MECOM: variants seen among roughly 807,000 people sequenced by gnomAD.
The protein encoded by MECOM is histone-lysine N-methyltransferase MECOM.
In MECOM, 13 loss-of-function variants were observed where a neutral mutation model predicts 116.3. That is an observed-to-expected ratio of 0.11 (90% CI 0.07 to 0.18). MECOM has a LOEUF of 0.18. Among genes scored for constraint, MECOM ranks in the 10% least tolerant of loss-of-function variants. MECOM has a pLI of 1.00. For missense variants in MECOM, 1,299 were observed against 1,509.0 expected (o/e 0.86, Z 2.31); for synonymous variants, 528 against 535.2 (o/e 0.99, Z 0.19).
At chr3:169,145,130 A>G (rs1189790616) in intron 2 of MECOM, 3 of 898,964 alleles carry the variant, frequency 3.3e-6, no homozygotes, top group Non-Finnish European at 5.1e-6. Context: ...AACATAAGAT[A>G]GGGATATTAT....
At chr3:169,352,268 A>C (rs556045543) in intron 2 of MECOM, among the ~76,000 whole-genome samples, 3 of 152,064 alleles carry the variant, frequency 2.0e-5, no homozygotes, top group African/African-American at 7.2e-5. Flanking sequence ...ATTTAAAGAA[A>C]TATATTAATG....
chr3:169,655,617 T>C (rs1483295173), intron 1 of MECOM, among the ~76,000 whole-genome samples: 1 of 152,176 alleles, frequency 6.6e-6, no homozygotes, highest in South Asian at 2.1e-4. Context: ...CAGAACAAAT[T>C]TACTGCCTAG....
At chr3:169,407,032 G>A (rs995873147) in intron 1 of MECOM, among the ~76,000 whole-genome samples, 10 of 151,458 alleles carry the variant, frequency 6.6e-5, no homozygotes, top group African/African-American at 1.9e-4. Context: ...TATTTTTAGT[G>A]GAGACAGGGT....
At chr3:169,541,263 C>T (rs1438311697) in intron 1 of MECOM, among the ~76,000 whole-genome samples, 1 of 152,160 alleles carries the variant, frequency 6.6e-6, no homozygotes, top group East Asian at 1.9e-4. Flanking sequence ...ATGAAACACA[C>T]AAAGGGAGAT....
chr3:169,188,112 T>C (rs973967712), intron 2 of MECOM, among the ~76,000 whole-genome samples: 1 of 152,066 alleles, frequency 6.6e-6, no homozygotes, highest in Admixed American at 6.6e-5. Context: ...ATAAAAAAAA[T>C]TGAAAATCAC....
rs149335027 is a variant in MECOM at position 169,098,499 on chromosome 3, G to T, written c.2849+2386C>A. On this transcript the variant is annotated intron_variant, in intron 12 of 16. Coordinates refer to ENST00000651503, the MANE Select transcript of MECOM (RefSeq NM_004991.4). ...GCCCTCTCAGTGCATCCTATCAAGG[G>T]TACATGATGCTGACATGTCTAACTT... 7.9e-4 allele frequency among the ~76,000 whole-genome samples: 121 copies of T among 152,292 alleles called. 1 individual carries two copies. Among genetic ancestry groups the T allele is most frequent in the African/African-American group, 2.7e-3 (114 of 41,564 alleles).
intron 1 of MECOM, among the ~76,000 whole-genome samples, chr3:169,580,095 A>C (rs1764945871): frequency 6.6e-6 from 1 of 152,224 alleles, no homozygotes; most frequent in South Asian, 2.1e-4. Flanking sequence ...AGCTGGTACT[A>C]TCCTTAGTGT....
chr3:169,086,379 A>G (rs981130015), intron 16 of MECOM: 1 of 581,784 alleles, frequency 1.7e-6, no homozygotes, highest in African/African-American at 1.9e-5. Context: ...TTATGTACCT[A>G]CTTTTAGAGA....
chr3:169,624,127 G>A (rs1400107035), intron 1 of MECOM, among the ~76,000 whole-genome samples: 2 of 152,176 alleles, frequency 1.3e-5, no homozygotes, highest in East Asian at 3.9e-4. Flanking sequence ...CACATGCCCA[G>A]GTCACAGAGA....
chr3:169,447,441 C>T (rs558415037), intron 1 of MECOM, among the ~76,000 whole-genome samples: 1 of 152,126 alleles, frequency 6.6e-6, no homozygotes, highest in African/African-American at 2.4e-5. Context: ...TATCTCCCCC[C>T]ACCAAGAACT....
intron 2 of MECOM, chr3:169,145,001 T>C (rs1295149924): frequency 5.8e-6 from 9 of 1,561,850 alleles, no homozygotes; most frequent in East Asian, 2.3e-5. Context: ...ACTCACCATA[T>C]ACTTCAAGAA....
intron 2 of MECOM, chr3:169,147,816 C>T: frequency 2.8e-5 from 19 of 676,144 alleles, no homozygotes; most frequent in Non-Finnish European, 3.3e-5. Context: ...TAGAGAAGTG[C>T]TTTCAGGGGT....
At chr3:169,457,269 G>A (rs183241295) in intron 1 of MECOM, among the ~76,000 whole-genome samples, 2 of 152,302 alleles carry the variant, frequency 1.3e-5, no homozygotes, top group Non-Finnish European at 1.5e-5. Context: ...GCTACTCATT[G>A]TTGAGATACC....
intron 1 of MECOM, among the ~76,000 whole-genome samples, chr3:169,485,641 A>G (rs1041788144): frequency 3.3e-5 from 5 of 152,100 alleles, no homozygotes; most frequent in South Asian, 4.1e-4. Context: ...GCTACTTAGT[A>G]GCAAAGGCAA....
intron 2 of MECOM, among the ~76,000 whole-genome samples, chr3:169,227,070 C>T (rs540956854): frequency 6.0e-4 from 92 of 152,120 alleles, no homozygotes; most frequent in African/African-American, 2.0e-3. Context: ...AAGGAATCTT[C>T]GGGCAATTTA....
chr3:169,139,447 C>T (rs1263885053), intron 3 of MECOM, among the ~76,000 whole-genome samples: 1 of 152,016 alleles, frequency 6.6e-6, no homozygotes, highest in Non-Finnish European at 1.5e-5. Context: ...ATATACAAAA[C>T]ATTATCCCAA....
At chr3:169,232,179 G>A (rs932108323) in intron 2 of MECOM, among the ~76,000 whole-genome samples, 8 of 151,904 alleles carry the variant, frequency 5.3e-5, no homozygotes, top group Non-Finnish European at 1.0e-4. Flanking sequence ...AATTTCTCAC[G>A]TTTCTCTTAA....
intron 1 of MECOM, among the ~76,000 whole-genome samples, chr3:169,407,022 T>C (rs1736819160): frequency 1.3e-5 from 2 of 151,958 alleles, no homozygotes; most frequent in Non-Finnish European, 2.9e-5. Context: ...TTTTCTCATG[T>C]ATTTTTAGTG....
chr3:169,277,812 A>C (rs781182082), intron 2 of MECOM, among the ~76,000 whole-genome samples: 3 of 152,200 alleles, frequency 2.0e-5, no homozygotes, highest in Non-Finnish European at 2.9e-5. Context: ...ATATGACTGT[A>C]ACAAGGGAAC....
Sources: allele counts gnomAD v4.1 joint callset (sites outside exome capture counted in the v4.1 genomes callset), GRCh38; gene constraint gnomAD v4.1.1; transcripts MANE v1.5; gene names NCBI Gene and HGNC (gene_info 2026-07-23, HGNC 2026-07-21).